The following VPS13C variants were observed in gnomAD, a reference collection of about 807,000 sequenced individuals.
The protein encoded by VPS13C is intermembrane lipid transfer protein VPS13C.
A neutral mutation model predicts 456.8 loss-of-function variants in VPS13C; 358 were observed. The ratio of observed to expected loss-of-function variants is 0.78; its 90% CI spans 0.72 to 0.86. The LOEUF (loss-of-function observed/expected upper bound fraction) is 0.86. Ranked by LOEUF, VPS13C falls within the 40% of genes least tolerant of loss-of-function variation. The pLI is 0.00. For synonymous variants in VPS13C, 1,578 were observed against 1,486.7 expected, an observed-to-expected ratio of 1.06 and a Z score of -1.41; for missense variants, 4,818 against 4,385.4, an observed-to-expected ratio of 1.10 and a Z score of -2.79.
chr15:61,872,056 T>C (rs1416795921), intron 78 of VPS13C, 22 bp from the exon 79 acceptor site: 16 of 1,606,954 alleles, frequency 1.0e-5, no homozygotes, highest in East Asian at 4.5e-5. Context: ...ATCAATCATA[T>C]AGTTTAGACT....
chr15:61,943,742 T>G (rs985485686), intron 45 of VPS13C, among the ~76,000 whole-genome samples: 5 of 152,076 alleles, frequency 3.3e-5, no homozygotes, highest in Admixed American at 6.6e-5. Context: ...AAAGAATTTA[T>G]GACTAAGTGC....
Position 61,915,937 on chromosome 15 carries a change from A to T in VPS13C, c.8141T>A (p.Val2714Asp), listed in dbSNP as rs777568154. Residue 2714 changes from valine to aspartate, a missense_variant, in exon 61 of 85, where the codon GTC (valine) becomes GAC (aspartate). This residue lies in a region of VPS13C where 4,552 missense variants were observed against 4,130.6 expected (regional missense o/e 1.10). Transcript: ENST00000644861. ...GTTTTTGCCCTGGTATTTCACCAGGACTAATTCCATTATTTCACCACTGAT... is the reference window on the plus strand; with the variant it reads ...GTTTTTGCCCTGGTATTTCACCAGGTCTAATTCCATTATTTCACCACTGAT... ...SRISGEIMEL[V>D]LVKYQGKNWN... The T allele has an allele frequency of 6.2e-7, 1 of 1,614,062 alleles. No homozygotes were observed.
intron 51 of VPS13C, among the ~76,000 whole-genome samples, 178 bp downstream of exon 51, chr15:61,929,323 C>T (rs1304273125): frequency 6.6e-6 from 1 of 152,194 alleles, no homozygotes; most frequent in Non-Finnish European, 1.5e-5. Context: ...CCAATATCTA[C>T]TGTACCTCTC....
intron 53 of VPS13C, among the ~76,000 whole-genome samples, chr15:61,923,859 A>ATTTTTTTTTTTTTT (rs2043743450): frequency 1.4e-5 from 1 of 69,354 alleles, no homozygotes; most frequent in African/African-American, 6.1e-5. Flanking sequence ...ACCCCTCTAA[A>ATTTTTTTTTTTTTT]TCTTTTTTTT....
At chr15:61,914,878 TAAAAAAA>T (rs60910951) in intron 61 of VPS13C, among the ~76,000 whole-genome samples, 36 of 102,054 alleles carry the variant, frequency 3.5e-4, no homozygotes, top group African/African-American at 9.2e-4. Flanking sequence ...AACTCTGCCT[TAAAAAAA>T]AAAAAAAAAA....
chr15:61,984,157 G>T, intron 19 of VPS13C, 145 bp from the exon 20 acceptor site: 1 of 677,846 alleles, frequency 1.5e-6, no homozygotes, highest in Non-Finnish European at 2.4e-6. Context: ...AACCTCCTTA[G>T]CCAGGCATTC....
intron 81 of VPS13C, chr15:61,865,723 T>G (rs576628547): frequency 2.2e-6 from 1 of 464,870 alleles, no homozygotes; most frequent in Non-Finnish European, 2.8e-6. Context: ...TGTGTATATA[T>G]GTGTTTGTGT....
At chr15:62,031,851 C>G (rs1185347916) in intron 5 of VPS13C, among the ~76,000 whole-genome samples, 10 of 151,806 alleles carry the variant, frequency 6.6e-5, no homozygotes, top group Non-Finnish European at 1.2e-4. Context: ...GTCAAAATTT[C>G]CTAAGTCTGA....
intron 36 of VPS13C, among the ~76,000 whole-genome samples, chr15:61,959,062 A>T (rs1408445105): frequency 1.3e-5 from 2 of 152,078 alleles, no homozygotes; most frequent in Non-Finnish European, 2.9e-5. Flanking sequence ...CTTTTTAAAC[A>T]ATAACAATTC....
At position 61,936,665 on chromosome 15, in the gene VPS13C, G is replaced by A. The variant is rs767809648; in HGVS notation, c.5687C>T (p.Thr1896Ile). 6.2e-7 allele frequency: 1 copy of A among 1,613,390 alleles called. No homozygotes were observed. The highest frequency in any genetic ancestry group is 8.5e-7 in the Non-Finnish European group (1 of 1,179,738). The change falls in exon 48 of 85, where the codon ACA becomes ATA. Residue 1896 changes from threonine to isoleucine, a missense_variant. Thr to Ile is a moderately conservative substitution (Grantham distance 89, BLOSUM62 -1). Transcript: ENST00000644861. ...TCTTACAGTCTCCTGCACAGACTGT[G>A]TAGGGCTTGGTTGTGAGGAAGCTTC... is the stretch of plus-strand genomic sequence containing the variant. ...LGEASSQPSP[T>I]QSVQETVRVR...
rs1341371627 is a variant in VPS13C, at chr15:61,941,775, A to T, written c.5441T>A (p.Leu1814Ter). 1 of 1,611,124 alleles carries T rather than the reference A, an allele frequency of 6.2e-7. No homozygotes were observed. Among genetic ancestry groups the T allele is most frequent in the Non-Finnish European group, 8.5e-7 (1 of 1,178,344 alleles). Reference sequence around the variant, plus strand: ...TACATATTTATACCTTGACAGCTTCAACTGAGTGAGTTCGATGTTCATTTT... The same window carrying T: ...TACATATTTATACCTTGACAGCTTCTACTGAGTGAGTTCGATGTTCATTTT... ...IDKMNIELTQ[L>*]KLSRTILQAS... The change falls in exon 46 of 85, where the codon TTG (leucine) becomes TAG (stop). Residue 1814 changes from leucine to a stop codon, truncating the protein, a stop_gained. Coordinates refer to ENST00000644861, the MANE Select transcript of VPS13C (RefSeq NM_020821.3). LOFTEE classifies it high-confidence loss of function.
chr15:62,048,979 G>A (rs1331625766), intron 1 of VPS13C, among the ~76,000 whole-genome samples: 14 of 150,624 alleles, frequency 9.3e-5, no homozygotes, highest in African/African-American at 3.4e-4. Flanking sequence ...ATTTGTTTGA[G>A]TTCATTGTAG....
At chr15:61,933,174 A>G (rs2044118296) in intron 49 of VPS13C, among the ~76,000 whole-genome samples, 2 of 152,326 alleles carry the variant, frequency 1.3e-5, no homozygotes, top group Non-Finnish European at 1.5e-5. Context: ...AGGAAGGCAT[A>G]CAAACAATGA....
intron 1 of VPS13C, among the ~76,000 whole-genome samples, chr15:62,051,190 C>G (rs2048604818): frequency 6.6e-6 from 1 of 152,172 alleles, no homozygotes; most frequent in African/African-American, 2.4e-5. Context: ...TAACACTTAA[C>G]TTTATATAAA....
chr15:61,927,376 C>A, intron 51 of VPS13C, 56 bp from the exon 52 acceptor site: 1 of 1,369,106 alleles, frequency 7.3e-7, no homozygotes. Context: ...TTTCATTTGA[C>A]TACATGTTAT....
intron 63 of VPS13C, among the ~76,000 whole-genome samples, chr15:61,911,232 C>T (rs1046220881): frequency 2.0e-5 from 3 of 152,144 alleles, no homozygotes; most frequent in African/African-American, 7.2e-5. Context: ...TGCTTCACCT[C>T]CTCTAATCTT....
At chr15:62,031,958 C>A (rs1009343929) in intron 5 of VPS13C, among the ~76,000 whole-genome samples, 15 of 151,778 alleles carry the variant, frequency 9.9e-5, no homozygotes, top group African/African-American at 3.6e-4. Flanking sequence ...TGACTGAAAA[C>A]ACTAACATAT....
At chr15:61,980,183 C>CAAAAAAAAAAAA (rs71125960) in intron 22 of VPS13C, among the ~76,000 whole-genome samples, 5 of 45,260 alleles carry the variant, frequency 1.1e-4, no homozygotes, top group African/African-American at 3.5e-4. Context: ...GACCCCATCT[C>CAAAAAAAAAAAA]AAAAAAAAAA....
chr15:61,889,374 G>C (rs1054508909), intron 67 of VPS13C, among the ~76,000 whole-genome samples: 1 of 151,806 alleles, frequency 6.6e-6, no homozygotes, highest in African/African-American at 2.4e-5. Flanking sequence ...ATAACCATTA[G>C]TTTCTCAGGT....
Sources: gnomAD v4.1 joint callset for allele counts (sites outside exome capture counted in the v4.1 genomes callset) on GRCh38, gnomAD v4.1.1 for gene constraint, gnomAD v4.1.1 regional missense constraint, MANE v1.5 for transcripts, NCBI Gene and HGNC (gene_info 2026-07-23, HGNC 2026-07-21) for gene names.